Variants in TRIM24 observed in about 807,000 individuals in gnomAD.
The protein encoded by TRIM24 is transcription intermediary factor 1-alpha.
In TRIM24, 29 loss-of-function variants were observed where a neutral mutation model predicts 123.9. The ratio of observed to expected loss-of-function variants is 0.23; its 90% CI spans 0.17 to 0.32. TRIM24 has a LOEUF of 0.32. TRIM24 is among the 10% of genes least tolerant of loss of function. The probability of loss-of-function intolerance (pLI) is 1.00; values close to 1 mark genes in which losing one functional copy is unlikely to be tolerated. For synonymous variants in TRIM24, 456 were observed against 461.1 expected (o/e 0.99, Z 0.14); for missense variants, 932 against 1,295.3 (o/e 0.72, Z 4.31).
intron 1 of TRIM24, among the ~76,000 whole-genome samples, chr7:138,493,638 A>G (rs1160668201): frequency 6.6e-6 from 1 of 152,132 alleles, no homozygotes; most frequent in African/African-American, 2.4e-5. Flanking sequence ...AATATAACCA[A>G]CCATCTCTGC....
intron 4 of TRIM24, among the ~76,000 whole-genome samples, chr7:138,521,464 A>G (rs896308773): frequency 1.3e-5 from 2 of 152,236 alleles, no homozygotes; most frequent in African/African-American, 4.8e-5. Context: ...TAATAAGTAC[A>G]TATAATTACC....
At chr7:138,475,927 C>T (rs541168443) in intron 1 of TRIM24, among the ~76,000 whole-genome samples, 5 of 152,156 alleles carry the variant, frequency 3.3e-5, no homozygotes, top group South Asian at 2.1e-4. Flanking sequence ...AGTTATTTTG[C>T]GCAAGGTAAA....
chr7:138,525,968 G>A (rs1248361855), intron 5 of TRIM24, among the ~76,000 whole-genome samples: 2 of 152,184 alleles, frequency 1.3e-5, no homozygotes, highest in African/African-American at 4.8e-5. Flanking sequence ...TGGAGCGGGG[G>A]CAGCTGGAGG....
At chr7:138,471,614 C>A (rs902660544) in intron 1 of TRIM24, among the ~76,000 whole-genome samples, 1 of 152,004 alleles carries the variant, frequency 6.6e-6, no homozygotes, top group Non-Finnish European at 1.5e-5. Flanking sequence ...AATCTTGGCT[C>A]ACTGCAACCT....
At position 138,538,821 on chromosome 7, in the gene TRIM24, A is replaced by G; in HGVS notation, c.1143+18A>G. 2 of 1,607,748 alleles carry G rather than the reference A, an allele frequency of 1.2e-6. No individual in the cohort carries two copies. Among genetic ancestry groups the G allele is most frequent in the East Asian group, 2.2e-5 (1 of 44,774 alleles). ...AACGACTGGTAAGATAAAGTATGCT[A>G]TTTAATATACTGTAAAAATGCACAG... On this transcript the variant is annotated intron_variant, in intron 7 of 18. Coordinates refer to ENST00000343526, the MANE Select transcript of TRIM24 (RefSeq NM_015905.3).
intron 1 of TRIM24, chr7:138,491,221 T>C (rs1795773475): frequency 4.2e-6 from 1 of 240,568 alleles, no homozygotes; most frequent in Non-Finnish European, 8.5e-6. Context: ...GTTCCTTGGT[T>C]TTGGTGATTA....
intron 1 of TRIM24, among the ~76,000 whole-genome samples, chr7:138,500,027 C>G (rs1796001085): frequency 6.6e-6 from 1 of 152,068 alleles, no homozygotes; most frequent in African/African-American, 2.4e-5. Context: ...TATCATGATC[C>G]TGTCATTTAA....
At chr7:138,505,088 C>T (rs1796123984) in intron 2 of TRIM24, among the ~76,000 whole-genome samples, 1 of 152,050 alleles carries the variant, frequency 6.6e-6, no homozygotes, top group Non-Finnish European at 1.5e-5. Context: ...GATGAGGCAA[C>T]CTAAAATGCT....
At chr7:138,490,010 T>G (rs567363972) in intron 1 of TRIM24, among the ~76,000 whole-genome samples, 24 of 152,368 alleles carry the variant, frequency 1.6e-4, no homozygotes, top group African/African-American at 5.8e-4. Context: ...GATTTGGTCT[T>G]TTCACAAAGT....
chr7:138,582,318 G>A (rs572519976), intron 17 of TRIM24, among the ~76,000 whole-genome samples: 13 of 152,162 alleles, frequency 8.5e-5, no homozygotes, highest in African/African-American at 2.6e-4. Flanking sequence ...CGAGGCGGGC[G>A]GATCACGAGG....
Position 138,538,779 on chromosome 7 carries a change from A to G in TRIM24, c.1119A>G (p.Thr373=). 2 of 1,614,138 alleles carry G rather than the reference A, an allele frequency of 1.2e-6. No individual in the cohort carries two copies. The highest frequency in any genetic ancestry group is 1.7e-6 in the Non-Finnish European group (2 of 1,179,974). The change falls in exon 7 of 19, where the codon ACA becomes ACG. Residue 373 remains threonine, a synonymous_variant. Coordinates refer to ENST00000343526, the MANE Select transcript of TRIM24 (RefSeq NM_015905.3). Reference sequence around the variant, plus strand: ...GGGCAGTTTCCAGTGGCAGCAGTACAGCATTACTTTATAGCAAACGACTGG... The same window carrying G: ...GGGCAGTTTCCAGTGGCAGCAGTACGGCATTACTTTATAGCAAACGACTGG... ...SKWAVSSGSS[T]ALLYSKRLIT... is the part of the protein sequence containing the mutation.
At chr7:138,517,327 C>G (rs1796420460) in intron 3 of TRIM24, among the ~76,000 whole-genome samples, 1 of 151,144 alleles carries the variant, frequency 6.6e-6, no homozygotes, top group African/African-American at 2.5e-5. Context: ...ATCTGTAATT[C>G]CTCTCAGGTT....
At chr7:138,548,623 A>G (rs1379892030) in intron 7 of TRIM24, among the ~76,000 whole-genome samples, 1 of 152,174 alleles carries the variant, frequency 6.6e-6, no homozygotes, top group Non-Finnish European at 1.5e-5. Context: ...TTTTTCTTCA[A>G]TAATAAATTT....
intron 6 of TRIM24, 53 bp from the exon 7 acceptor site, chr7:138,538,604 A>G (rs1796940565): frequency 1.3e-6 from 2 of 1,579,322 alleles, no homozygotes; most frequent in Non-Finnish European, 8.7e-7. Context: ...AATGACCATC[A>G]AAGTCTATGT....
intron 7 of TRIM24, among the ~76,000 whole-genome samples, chr7:138,547,369 A>G (rs1797123110): frequency 6.6e-6 from 1 of 152,198 alleles, no homozygotes; most frequent in Non-Finnish European, 1.5e-5. Context: ...TATTCTTGAA[A>G]ATTGCTAAGA....
chr7:138,533,681 T>G (rs1327994982), intron 6 of TRIM24, among the ~76,000 whole-genome samples: 4 of 152,218 alleles, frequency 2.6e-5, no homozygotes. Flanking sequence ...ATTCTCTTTT[T>G]TTGTTGTGTC....
chr7:138,494,675 T>TATCA (rs1440167995), intron 1 of TRIM24, among the ~76,000 whole-genome samples: 1 of 152,178 alleles, frequency 6.6e-6, no homozygotes, highest in African/African-American at 2.4e-5. Context: ...ATTTTTCACC[T>TATCA]ATCAGGCAAA....
rs919647544 is a variant in TRIM24 at position 138,460,925 on chromosome 7, C to T, written c.364+13C>T. 1.4e-6 allele frequency: 2 copies of T among 1,433,520 alleles called. No individual in the cohort carries two copies. Among genetic ancestry groups the T allele is most frequent in the Non-Finnish European group, 1.8e-6 (2 of 1,102,574 alleles). 88.8% of individuals were successfully genotyped at this position (1,433,520 alleles called of 1,614,324 possible). A position where few individuals can be genotyped will look rare whatever the true frequency, so the allele number is the denominator to read the frequency against. ...TTCGCCACCCAAGGTGAGAACCGGC[C>T]GCGGCCGCTGGGGAGCCCGGGGAGA... On this transcript the variant is annotated intron_variant, in intron 1 of 18. Coordinates refer to ENST00000343526, the MANE Select transcript of TRIM24 (RefSeq NM_015905.3).
At chr7:138,500,967 TAA>T (rs57771728) in intron 1 of TRIM24, among the ~76,000 whole-genome samples, 9 of 147,514 alleles carry the variant, frequency 6.1e-5, no homozygotes, top group Non-Finnish European at 1.0e-4. Context: ...GTGTAAAAGA[TAA>T]AAAAAAAAAG....
Sources: allele counts gnomAD v4.1 joint callset (sites outside exome capture counted in the v4.1 genomes callset), GRCh38; gene constraint gnomAD v4.1.1; transcripts MANE v1.5; gene names NCBI Gene and HGNC (gene_info 2026-07-23, HGNC 2026-07-21).